CTNND2: variants seen among roughly 807,000 people sequenced by gnomAD.
The protein encoded by CTNND2 is catenin delta 2, also known as catenin delta-2.
In CTNND2, 22 loss-of-function variants were observed where a neutral mutation model predicts 144.4. The ratio of observed to expected loss-of-function variants is 0.15; its 90% CI spans 0.11 to 0.22. The LOEUF is 0.22. Ranked by LOEUF, CTNND2 falls within the 10% of genes least tolerant of loss-of-function variation. CTNND2 has a pLI of 1.00. For synonymous variants in CTNND2, 751 were observed against 695.6 expected (o/e 1.08, Z -1.25); for missense variants, 1,353 against 1,618.8 (o/e 0.84, Z 2.82).
chr5:11,214,839 A>G (rs2149852896), intron 10 of CTNND2, among the ~76,000 whole-genome samples: 1 of 152,220 alleles, frequency 6.6e-6, no homozygotes, highest in East Asian at 1.9e-4. Flanking sequence ...CCTAAACCTG[A>G]TTAGCCATCA....
chr5:11,328,820 T>C (rs184516411), intron 9 of CTNND2, among the ~76,000 whole-genome samples: 30 of 152,332 alleles, frequency 2.0e-4, no homozygotes, highest in African/African-American at 6.5e-4. Flanking sequence ...AGGTGAGCTG[T>C]GTCCAGTGTG....
At chr5:11,828,083 T>C (rs1292813119) in intron 1 of CTNND2, among the ~76,000 whole-genome samples, 2 of 152,152 alleles carry the variant, frequency 1.3e-5, no homozygotes, top group African/African-American at 2.4e-5. Flanking sequence ...GACTCTGATA[T>C]GGTTTGGCTG....
At chr5:11,443,569 T>A (rs1764538188) in intron 3 of CTNND2, among the ~76,000 whole-genome samples, 1 of 152,070 alleles carries the variant, frequency 6.6e-6, no homozygotes, top group Non-Finnish European at 1.5e-5. Context: ...TTATCTTTAC[T>A]TTCTTCTCTA....
chr5:11,454,723 T>C (rs1327441635), intron 3 of CTNND2, among the ~76,000 whole-genome samples: 1 of 151,822 alleles, frequency 6.6e-6, no homozygotes, highest in Non-Finnish European at 1.5e-5. Context: ...GCCTCAGCCT[T>C]CCAAGTATCT....
chr5:11,400,252 G>A (rs1026106651), intron 5 of CTNND2, among the ~76,000 whole-genome samples: 10 of 152,116 alleles, frequency 6.6e-5, no homozygotes, highest in African/African-American at 4.8e-5. Flanking sequence ...AATGGTAGAC[G>A]AAGAGAAAGA....
intron 1 of CTNND2, among the ~76,000 whole-genome samples, chr5:11,862,406 A>G (rs921106656): frequency 1.3e-5 from 2 of 152,346 alleles, no homozygotes; most frequent in African/African-American, 2.4e-5. Context: ...TTGTTCAAGT[A>G]TGCACTAACA....
intron 15 of CTNND2, among the ~76,000 whole-genome samples, chr5:11,089,237 G>C (rs1337479564): frequency 6.6e-6 from 1 of 151,234 alleles, no homozygotes; most frequent in Non-Finnish European, 1.5e-5. Flanking sequence ...GGGTCTCTTT[G>C]TTATAGCAGT....
intron 3 of CTNND2, among the ~76,000 whole-genome samples, chr5:11,471,438 T>A (rs1223304250): frequency 6.6e-6 from 1 of 152,164 alleles, no homozygotes; most frequent in Non-Finnish European, 1.5e-5. Flanking sequence ...ACAAAGAGAA[T>A]CAAGGACTGA....
intron 12 of CTNND2, among the ~76,000 whole-genome samples, chr5:11,129,646 G>A (rs1463298311): frequency 2.0e-5 from 3 of 151,838 alleles, no homozygotes; most frequent in Admixed American, 6.6e-5. Flanking sequence ...AAAGTCCCCT[G>A]AAAACTGGAG....
At chr5:11,219,225 C>T (rs1321808819) in intron 10 of CTNND2, among the ~76,000 whole-genome samples, 1 of 152,158 alleles carries the variant, frequency 6.6e-6, no homozygotes, top group Non-Finnish European at 1.5e-5. Flanking sequence ...CTGGCTGGTC[C>T]TCCTCACCCA....
At chr5:11,826,037 G>A (rs1224464344) in intron 1 of CTNND2, among the ~76,000 whole-genome samples, 3 of 151,982 alleles carry the variant, frequency 2.0e-5, no homozygotes, top group South Asian at 2.1e-4. Flanking sequence ...GGAGTAAATC[G>A]AGATATACAC....
At chr5:11,602,185 T>C (rs1469869346) in intron 2 of CTNND2, among the ~76,000 whole-genome samples, 2 of 152,066 alleles carry the variant, frequency 1.3e-5, no homozygotes, top group African/African-American at 4.8e-5. Context: ...CATAATTTAA[T>C]TTTTAACATT....
At chr5:11,378,527 C>A (rs1049846900) in intron 7 of CTNND2, among the ~76,000 whole-genome samples, 1 of 152,194 alleles carries the variant, frequency 6.6e-6, no homozygotes, top group Non-Finnish European at 1.5e-5. Flanking sequence ...CTTTAAGTGA[C>A]AGTGGGAAAA....
At chr5:11,000,020 T>C (rs1257727534) in intron 18 of CTNND2, among the ~76,000 whole-genome samples, 1 of 152,252 alleles carries the variant, frequency 6.6e-6, no homozygotes, top group East Asian at 1.9e-4. Context: ...GTTTAGTTGA[T>C]ACAGGTCTTC....
intron 12 of CTNND2, among the ~76,000 whole-genome samples, chr5:11,130,801 C>G (rs115446308): frequency 6.6e-6 from 1 of 152,270 alleles, no homozygotes; most frequent in African/African-American, 2.4e-5. Flanking sequence ...TCCCCCGGGT[C>G]AGTGCCCGCC....
chr5:11,676,403 G>C (rs1291386066), intron 2 of CTNND2, among the ~76,000 whole-genome samples: 1 of 151,980 alleles, frequency 6.6e-6, no homozygotes, highest in African/African-American at 2.4e-5. Flanking sequence ...AGGGTTTTTA[G>C]CACCCAATTT....
chr5:11,060,822 T>A (rs1261234675), intron 16 of CTNND2, among the ~76,000 whole-genome samples: 1 of 152,226 alleles, frequency 6.6e-6, no homozygotes, highest in Non-Finnish European at 1.5e-5. Context: ...TGAAGACAAT[T>A]ATGTAAGAAA....
chr5:11,230,877 T>C (rs1740925014), intron 10 of CTNND2, among the ~76,000 whole-genome samples: 1 of 152,196 alleles, frequency 6.6e-6, no homozygotes. Context: ...AACTCTGCCT[T>C]AGTCACTGGA....
intron 3 of CTNND2, among the ~76,000 whole-genome samples, chr5:11,531,550 C>T (rs1391776122): frequency 2.6e-5 from 4 of 151,996 alleles, no homozygotes; most frequent in African/African-American, 4.8e-5. Context: ...CACTTGAACC[C>T]GGGAGGCAGA....
Sources: allele counts gnomAD v4.1 joint callset (sites outside exome capture counted in the v4.1 genomes callset), GRCh38; gene constraint gnomAD v4.1.1; transcripts MANE v1.5; gene names NCBI Gene and HGNC (gene_info 2026-07-23, HGNC 2026-07-21).